The following USH2A variants were observed in gnomAD, a reference collection of about 807,000 sequenced individuals.
The protein encoded by USH2A is Usher syndrome 2A (autosomal recessive, mild).
USH2A carries 443 observed loss-of-function variants against 538.9 expected under a neutral mutation model. That is an observed-to-expected ratio of 0.82 (90% CI 0.76 to 0.89). USH2A has a LOEUF of 0.89. Ranked by LOEUF, USH2A falls within the 40% of genes least tolerant of loss-of-function variation. The pLI, the probability that USH2A is intolerant of heterozygous loss-of-function variation, is 0.00. For synonymous variants in USH2A, 2,413 were observed against 2,273.5 expected (o/e 1.06, Z -1.75); for missense variants, 6,633 against 6,324.8 (o/e 1.05, Z -1.65).
chr1:216,286,000 C>T (rs747293488), intron 11 of USH2A, among the ~76,000 whole-genome samples: 50 of 152,246 alleles, frequency 3.3e-4, no homozygotes, highest in Non-Finnish European at 6.2e-4. Context: ...GCAGAAGGGA[C>T]ATGCCTTGCC....
intron 37 of USH2A, among the ~76,000 whole-genome samples, chr1:215,950,324 T>A (rs190279629): frequency 1.4e-3 from 207 of 152,272 alleles, no homozygotes; most frequent in African/African-American, 4.8e-3. Context: ...ATTAAATACT[T>A]GTTATGAGTT....
chr1:216,002,644 C>T (rs557182506), intron 32 of USH2A, among the ~76,000 whole-genome samples: 1 of 152,168 alleles, frequency 6.6e-6, no homozygotes, highest in Admixed American at 6.6e-5. Flanking sequence ...CTTGGTCAGC[C>T]GCAACCGAGA....
At chr1:215,806,782 G>C (rs1662515409) in intron 49 of USH2A, among the ~76,000 whole-genome samples, 1 of 152,056 alleles carries the variant, frequency 6.6e-6, no homozygotes, top group African/African-American at 2.4e-5. Flanking sequence ...TTTCCCTGTA[G>C]TTCCCAACCC....
At chr1:216,139,735 T>A (rs453273) in intron 21 of USH2A, among the ~76,000 whole-genome samples, 129,693 of 152,154 alleles carry the variant, frequency 0.85, 55,387 homozygotes, top group East Asian at 0.98. Flanking sequence ...TCTAATTTAC[T>A]TGAGCATTCA....
intron 21 of USH2A, among the ~76,000 whole-genome samples, chr1:216,148,074 G>A (rs530849222): frequency 1.3e-4 from 19 of 151,294 alleles, no homozygotes; most frequent in South Asian, 4.2e-4. Context: ...GCCGAGCTTC[G>A]GGTAACTCTC....
At chr1:216,190,496 G>A (rs2034693357) in intron 19 of USH2A, 129 bp from the exon 20 acceptor site, 4 of 1,259,020 alleles carry the variant, frequency 3.2e-6, no homozygotes, top group Non-Finnish European at 1.1e-6. Context: ...ATTAGGAAAA[G>A]GGTTTTTTTT....
intron 52 of USH2A, among the ~76,000 whole-genome samples, chr1:215,786,233 G>T (rs1661795619): frequency 6.6e-6 from 1 of 152,092 alleles, no homozygotes; most frequent in Non-Finnish European, 1.5e-5. Context: ...TGTCATGCTT[G>T]GGTTTACCTC....
chr1:215,787,056 G>A (rs555988933), intron 51 of USH2A, among the ~76,000 whole-genome samples, 182 bp from the exon 52 acceptor site: 2 of 152,278 alleles, frequency 1.3e-5, no homozygotes, highest in South Asian at 4.1e-4. Context: ...CAATGACTTT[G>A]AAATGTCACA....
At chr1:215,775,476 G>A (rs921950415) in intron 55 of USH2A, among the ~76,000 whole-genome samples, 1 of 152,132 alleles carries the variant, frequency 6.6e-6, no homozygotes, top group Non-Finnish European at 1.5e-5. Flanking sequence ...AATATATTAA[G>A]TACTGTGATA....
chr1:215,663,120 C>T (rs928728417), intron 64 of USH2A, among the ~76,000 whole-genome samples: 1 of 152,184 alleles, frequency 6.6e-6, no homozygotes, highest in African/African-American at 2.4e-5. Flanking sequence ...CCTTTAGAGG[C>T]AACTGTACTC....
At chr1:216,024,224 C>T (rs951443818) in intron 32 of USH2A, among the ~76,000 whole-genome samples, 10 of 152,010 alleles carry the variant, frequency 6.6e-5, no homozygotes, top group Middle Eastern at 3.2e-3. Flanking sequence ...AAGAGCTGAG[C>T]GCCAGTTTAG....
At chr1:216,067,523 G>A (rs921180173) in intron 30 of USH2A, among the ~76,000 whole-genome samples, 9 of 149,830 alleles carry the variant, frequency 6.0e-5, no homozygotes, top group Non-Finnish European at 1.2e-4. Context: ...CTATGAAAAA[G>A]ATGAAGGTAA....
chr1:215,799,684 G>A (rs2102779330), intron 49 of USH2A, among the ~76,000 whole-genome samples: 1 of 152,144 alleles, frequency 6.6e-6, no homozygotes, highest in Non-Finnish European at 1.5e-5. Flanking sequence ...TGGGAAATTT[G>A]GGATAAGAAT....
At chr1:216,042,433 T>A (rs2030319666) in intron 32 of USH2A, among the ~76,000 whole-genome samples, 1 of 152,046 alleles carries the variant, frequency 6.6e-6, no homozygotes, top group Non-Finnish European at 1.5e-5. Flanking sequence ...AAGAGATATT[T>A]CAGCTCTATA....
At chr1:216,364,061 A>G (rs942538598) in intron 4 of USH2A, among the ~76,000 whole-genome samples, 14 of 150,942 alleles carry the variant, frequency 9.3e-5, no homozygotes, top group Non-Finnish European at 1.5e-4. Flanking sequence ...AATATAAAAT[A>G]CTATTTTTAT....
chr1:216,337,772 A>C (rs1207863167), intron 4 of USH2A, among the ~76,000 whole-genome samples: 2 of 151,354 alleles, frequency 1.3e-5, no homozygotes, highest in African/African-American at 4.8e-5. Context: ...CAACAATTCA[A>C]ATAAATCTAT....
chr1:216,159,539 C>CACACACACACACACACACACACACAA (rs2034012238), intron 21 of USH2A, among the ~76,000 whole-genome samples: 1 of 61,506 alleles, frequency 1.6e-5, no homozygotes. Flanking sequence ...TATTTATGTA[C>CACACACACACACACACACACACACAA]ACACACACAC....
intron 21 of USH2A, among the ~76,000 whole-genome samples, chr1:216,116,421 C>T (rs2033010760): frequency 1.3e-5 from 2 of 152,080 alleles, no homozygotes; most frequent in South Asian, 4.1e-4. Flanking sequence ...GTGACCTTGA[C>T]CTTGGAATGA....
intron 30 of USH2A, among the ~76,000 whole-genome samples, chr1:216,054,346 G>T (rs942381801): frequency 6.6e-6 from 1 of 152,112 alleles, no homozygotes; most frequent in African/African-American, 2.4e-5. Context: ...AGGAGCCAAA[G>T]AAAAATATTA....
Sources: allele counts gnomAD v4.1 joint callset (sites outside exome capture counted in the v4.1 genomes callset), GRCh38; gene constraint gnomAD v4.1.1; transcripts MANE v1.5; gene names NCBI Gene and HGNC (gene_info 2026-07-23, HGNC 2026-07-21).